PKIA: variants seen among roughly 807,000 people sequenced by gnomAD.
The protein encoded by PKIA is cAMP-dependent protein kinase inhibitor alpha, also known as PKI-alpha.
A neutral mutation model predicts 7.6 loss-of-function variants in PKIA; 4 were observed. The ratio of observed to expected loss-of-function variants is 0.52; its 90% CI spans 0.26 to 1.20. The LOEUF (loss-of-function observed/expected upper bound fraction) is 1.20, where lower values mean the gene tolerates loss of function less well. Among genes scored for constraint, PKIA ranks in the 50% most tolerant of loss-of-function variants. The probability of loss-of-function intolerance (pLI) is 0.13; values close to 1 mark genes in which losing one functional copy is unlikely to be tolerated. For synonymous variants in PKIA, 21 were observed against 30.7 expected (o/e 0.68, Z 1.04); for missense variants, 73 against 86.2 (o/e 0.85, Z 0.61).
At chr8:78,578,835 A>G (rs112479131) in intron 2 of PKIA, among the ~76,000 whole-genome samples, 1,714 of 152,086 alleles carry the variant, frequency 0.011, 33 homozygotes, top group African/African-American at 0.04. Flanking sequence ...CATTGCTTCA[A>G]TAGGCAGATG....
At chr8:78,601,210 G>A (rs912348533) in intron 3 of PKIA, among the ~76,000 whole-genome samples, 2 of 152,046 alleles carry the variant, frequency 1.3e-5, no homozygotes, top group East Asian at 1.9e-4. Flanking sequence ...CTGGCCAGCT[G>A]ACATAGTGTC....
At chr8:78,593,656 C>A (rs1808157704) in intron 2 of PKIA, among the ~76,000 whole-genome samples, 1 of 152,178 alleles carries the variant, frequency 6.6e-6, no homozygotes, top group East Asian at 1.9e-4. Context: ...CTGAATTATT[C>A]CAAGTTCCAA....
At chr8:78,545,134 T>C (rs1037798286) in intron 1 of PKIA, among the ~76,000 whole-genome samples, 1 of 152,120 alleles carries the variant, frequency 6.6e-6, no homozygotes, top group Admixed American at 6.6e-5. Flanking sequence ...TTATGCAAAA[T>C]GAAAATACCT....
intron 2 of PKIA, among the ~76,000 whole-genome samples, chr8:78,592,576 T>TA (rs1808128040): frequency 6.6e-6 from 1 of 152,202 alleles, no homozygotes; most frequent in Non-Finnish European, 1.5e-5. Flanking sequence ...ATGAAGATTT[T>TA]AAAAGTAAGC....
chr8:78,527,717 A>G (rs960180358), intron 1 of PKIA, among the ~76,000 whole-genome samples: 28 of 152,188 alleles, frequency 1.8e-4, no homozygotes, highest in African/African-American at 6.3e-4. Flanking sequence ...TTACCAGGTT[A>G]TAACTACTGT....
chr8:78,552,218 T>G (rs951285836), intron 1 of PKIA, among the ~76,000 whole-genome samples: 2 of 151,804 alleles, frequency 1.3e-5, no homozygotes, highest in African/African-American at 4.8e-5. Flanking sequence ...TCTAAAGAAT[T>G]TGTGGTGAGA....
At chr8:78,551,989 C>T (rs1806996237) in intron 1 of PKIA, among the ~76,000 whole-genome samples, 1 of 151,648 alleles carries the variant, frequency 6.6e-6, no homozygotes, top group Non-Finnish European at 1.5e-5. Context: ...TATGTCAGGA[C>T]AAGAAATATT....
chr8:78,532,544 T>C (rs965214613), intron 1 of PKIA, among the ~76,000 whole-genome samples: 2 of 151,070 alleles, frequency 1.3e-5, no homozygotes, highest in Non-Finnish European at 2.9e-5. Context: ...TTTTTCTGAT[T>C]GGTCAGATTT....
At chr8:78,593,859 A>G (rs1466478994) in intron 2 of PKIA, among the ~76,000 whole-genome samples, 1 of 150,502 alleles carries the variant, frequency 6.6e-6, no homozygotes, top group African/African-American at 2.5e-5. Context: ...CTTCATCTAT[A>G]AAAACTTCTA....
At chr8:78,550,848 G>T (rs974525196) in intron 1 of PKIA, among the ~76,000 whole-genome samples, 1 of 151,886 alleles carries the variant, frequency 6.6e-6, no homozygotes, top group Non-Finnish European at 1.5e-5. Flanking sequence ...AAAGTTCATT[G>T]TATCATTCTT....
In PKIA at chr8:78,601,938, A is replaced by G; in HGVS notation, c.*117A>G. ...AAAGAAAATGGCTGTGCTGCATTGCAGGAACCTGCTCATTATCATGTTAAA... is the reference window on the plus strand; with the variant it reads ...AAAGAAAATGGCTGTGCTGCATTGCGGGAACCTGCTCATTATCATGTTAAA... On this transcript the variant is annotated 3_prime_UTR_variant, in exon 4 of 4. Coordinates refer to ENST00000396418, the MANE Select transcript of PKIA (RefSeq NM_006823.4). 1 of 761,280 alleles carries G rather than the reference A, an allele frequency of 1.3e-6. No homozygotes were observed. Among genetic ancestry groups the G allele is most frequent in the Non-Finnish European group, 2.2e-6 (1 of 457,218 alleles). 47.2% of individuals were successfully genotyped at this position (761,280 alleles called of 1,614,324 possible).
rs1027501907 is a variant in PKIA at position 78,551,735 on chromosome 8, C to G, written c.-156-21076C>G. 2.0e-5 allele frequency among the ~76,000 whole-genome samples: 3 copies of G among 151,910 alleles called. No individual in the cohort carries two copies. In the South Asian group the frequency reaches 6.2e-4, roughly 31 times the overall value. On this transcript the variant is annotated intron_variant, in intron 1 of 3. Transcript: ENST00000396418. ...AAGGAGAATCTGTTTCTTGGCAGAA[C>G]CTTCAGCAATTAAATTCTGGTTTGG... is the stretch of plus-strand genomic sequence containing the variant.
At chr8:78,588,203 G>A (rs922976389) in intron 2 of PKIA, among the ~76,000 whole-genome samples, 2 of 152,108 alleles carry the variant, frequency 1.3e-5, no homozygotes, top group Non-Finnish European at 2.9e-5. Flanking sequence ...AAGACCAATA[G>A]GAGAATACCA....
chr8:78,540,444 T>A (rs1007875618), intron 1 of PKIA, among the ~76,000 whole-genome samples: 4 of 151,986 alleles, frequency 2.6e-5, no homozygotes, highest in African/African-American at 9.7e-5. Context: ...CCTAGTCAAA[T>A]CCCTGCAGGG....
chr8:78,585,424 C>G (rs954044267), intron 2 of PKIA, among the ~76,000 whole-genome samples: 1 of 151,918 alleles, frequency 6.6e-6, no homozygotes, highest in Non-Finnish European at 1.5e-5. Flanking sequence ...ATAACAGTGT[C>G]AGAGAAGAAG....
intron 2 of PKIA, among the ~76,000 whole-genome samples, chr8:78,575,402 G>C (rs901929225): frequency 6.6e-6 from 1 of 151,268 alleles, no homozygotes; most frequent in Non-Finnish European, 1.5e-5. Flanking sequence ...AACTGTGTTT[G>C]CTTTTTTTTC....
intron 1 of PKIA, among the ~76,000 whole-genome samples, chr8:78,560,948 A>T (rs1807268719): frequency 6.6e-6 from 1 of 152,186 alleles, no homozygotes; most frequent in Non-Finnish European, 1.5e-5. Flanking sequence ...TTCCAGAGCA[A>T]AGATCTTTCT....
intron 1 of PKIA, among the ~76,000 whole-genome samples, chr8:78,527,133 T>G (rs1806259505): frequency 6.6e-6 from 1 of 152,042 alleles, no homozygotes; most frequent in African/African-American, 2.4e-5. Context: ...ACTTCACTCT[T>G]TCACGTAAAA....
At chr8:78,595,750 C>T (rs1808213857) in intron 2 of PKIA, among the ~76,000 whole-genome samples, 1 of 152,156 alleles carries the variant, frequency 6.6e-6, no homozygotes, top group South Asian at 2.1e-4. Context: ...CACGTTGCTG[C>T]AACAGACATG....
Sources: allele counts gnomAD v4.1 joint callset (sites outside exome capture counted in the v4.1 genomes callset), GRCh38; gene constraint gnomAD v4.1.1; transcripts MANE v1.5; gene names NCBI Gene and HGNC (gene_info 2026-07-23, HGNC 2026-07-21).